PLXNA4: variants seen among roughly 807,000 people sequenced by gnomAD.
PLXNA4 encodes the protein plexin-A4.
PLXNA4 carries 44 observed loss-of-function variants against 191.8 expected under a neutral mutation model. The observed-to-expected ratio is 0.23, with a 90% CI of 0.18 to 0.29. The LOEUF (loss-of-function observed/expected upper bound fraction) is 0.29. PLXNA4 is among the 10% of genes least tolerant of loss of function. PLXNA4 has a pLI of 1.00. For synonymous variants in PLXNA4, 1,082 were observed against 1,009.5 expected (o/e 1.07, Z -1.36); for missense variants, 1,800 against 2,488.8 (o/e 0.72, Z 5.89).
At chr7:132,137,466 C>T (rs1795145699) in intron 30 of PLXNA4, among the ~76,000 whole-genome samples, 1 of 152,238 alleles carries the variant, frequency 6.6e-6, no homozygotes, top group African/African-American at 2.4e-5. Flanking sequence ...ACAAAAACTA[C>T]AACTAATCAC....
intron 4 of PLXNA4, among the ~76,000 whole-genome samples, chr7:132,279,076 A>G (rs1007632801): frequency 1.3e-5 from 2 of 152,144 alleles, no homozygotes; most frequent in African/African-American, 4.8e-5. Flanking sequence ...TGCTCTCTGG[A>G]TGTTCCAGCA....
chr7:132,151,755 C>G (rs1208335054), intron 25 of PLXNA4, among the ~76,000 whole-genome samples: 1 of 152,140 alleles, frequency 6.6e-6, no homozygotes, highest in African/African-American at 2.4e-5. Flanking sequence ...GCAGCTCCAT[C>G]CCTGAGGCTT....
intron 1 of PLXNA4, among the ~76,000 whole-genome samples, chr7:132,520,868 T>C (rs553906997): frequency 6.6e-6 from 1 of 152,082 alleles, no homozygotes; most frequent in South Asian, 2.1e-4. Context: ...ATTGGCACTG[T>C]GGGGGAGCAG....
intron 2 of PLXNA4, among the ~76,000 whole-genome samples, chr7:132,619,384 T>C (rs559184820): frequency 6.6e-6 from 1 of 152,358 alleles, no homozygotes; most frequent in East Asian, 1.9e-4. Flanking sequence ...AACTGCCAGA[T>C]TAAACATAAA....
rs1454246931 is a variant in PLXNA4, at chr7:132,511,261, CTG to C, written c.-86-2484_-86-2483del. 6.6e-3 allele frequency among the ~76,000 whole-genome samples: 1,003 copies of C among 152,334 alleles called. 8 individuals carry two copies. Among genetic ancestry groups the C allele is most frequent in the African/African-American group, 0.023 (953 of 41,570 alleles). On this transcript the variant is annotated intron_variant, in intron 1 of 31. Coordinates refer to ENST00000321063, the MANE Select transcript of PLXNA4 (RefSeq NM_020911.2). The stretch of plus-strand genomic sequence containing the variant: ...AGCTTGGCTCACATAATCCTCACCA[CTG>C]TTCCCTGGGATCAGAATTGTCTTAT...
intron 3 of PLXNA4, among the ~76,000 whole-genome samples, chr7:132,406,439 C>T (rs1249297914): frequency 6.6e-6 from 1 of 152,224 alleles, no homozygotes; most frequent in South Asian, 2.1e-4. Context: ...TTCTAACTCA[C>T]CTGTTGTTCA....
intron 30 of PLXNA4, among the ~76,000 whole-genome samples, chr7:132,136,428 C>A (rs2116521024): frequency 6.6e-6 from 1 of 152,350 alleles, no homozygotes; most frequent in East Asian, 1.9e-4. Flanking sequence ...CCCCTCCGAG[C>A]TGCCCCAGGC....
At chr7:132,189,155 T>A (rs1231793392) in intron 14 of PLXNA4, among the ~76,000 whole-genome samples, 1 of 151,438 alleles carries the variant, frequency 6.6e-6, no homozygotes, top group Non-Finnish European at 1.5e-5. Context: ...GGGTTGGTGC[T>A]CCCTGGCAGC....
At chr7:132,281,311 C>A (rs534589806) in intron 4 of PLXNA4, among the ~76,000 whole-genome samples, 92 of 151,476 alleles carry the variant, frequency 6.1e-4, no homozygotes, top group African/African-American at 2.1e-3. Flanking sequence ...TTTTTTTTTT[C>A]AGTCTCATGC....
At chr7:132,494,716 C>G (rs774494739) in intron 2 of PLXNA4, among the ~76,000 whole-genome samples, 1 of 152,240 alleles carries the variant, frequency 6.6e-6, no homozygotes, top group Non-Finnish European at 1.5e-5. Flanking sequence ...ATACAAATGA[C>G]AGAGCAGTTA....
At chr7:132,276,096 C>T (rs1370410543) in intron 4 of PLXNA4, among the ~76,000 whole-genome samples, 1 of 152,166 alleles carries the variant, frequency 6.6e-6, no homozygotes, top group African/African-American at 2.4e-5. Flanking sequence ...CTGGAAGAAG[C>T]TGTCTTGGTT....
intron 22 of PLXNA4, among the ~76,000 whole-genome samples, chr7:132,166,547 T>G (rs1249160680): frequency 6.6e-6 from 1 of 151,700 alleles, no homozygotes; most frequent in African/African-American, 2.4e-5. Flanking sequence ...CAGAAAATGC[T>G]AATAACTAAA....
At chr7:132,355,116 C>A (rs895882668) in intron 3 of PLXNA4, among the ~76,000 whole-genome samples, 3 of 152,168 alleles carry the variant, frequency 2.0e-5, no homozygotes, top group African/African-American at 4.8e-5. Context: ...GTTCATGAAG[C>A]CTTGCTCCCA....
chr7:132,451,994 C>T (rs1285542502), intron 3 of PLXNA4, among the ~76,000 whole-genome samples: 2 of 152,232 alleles, frequency 1.3e-5, no homozygotes, highest in Non-Finnish European at 2.9e-5. Context: ...TATTACATCA[C>T]ACTCCCTGCC....
intron 3 of PLXNA4, among the ~76,000 whole-genome samples, chr7:132,470,485 C>T (rs779483465): frequency 6.6e-6 from 1 of 152,204 alleles, no homozygotes; most frequent in Non-Finnish European, 1.5e-5. Flanking sequence ...GAGGAATCTC[C>T]ACTTGTATAG....
intron 3 of PLXNA4, among the ~76,000 whole-genome samples, chr7:132,327,666 G>A (rs1474401499): frequency 1.3e-5 from 2 of 152,220 alleles, no homozygotes; most frequent in East Asian, 3.8e-4. Context: ...AACACTGTGT[G>A]AGGAAGGTCA....
In PLXNA4 at chr7:132,551,598, C is replaced by T. The variant is rs148208448; in HGVS notation, c.-87+24824G>A. On this transcript the variant is annotated intron_variant, in intron 1 of 31. Coordinates refer to ENST00000321063, the MANE Select transcript of PLXNA4 (RefSeq NM_020911.2). The stretch of plus-strand genomic sequence containing the variant: ...CACAATCAGAGCTCTCTGCAAAAGA[C>T]GTAATACCACCAGCCCTGTACTGTA... Among the ~76,000 whole-genome samples the T allele has an allele frequency of 1.4e-3, 208 of 152,272 alleles. 1 individual carries two copies. Among genetic ancestry groups the T allele is most frequent in the Non-Finnish European group, 2.3e-3 (158 of 68,028 alleles).
intron 25 of PLXNA4, among the ~76,000 whole-genome samples, chr7:132,154,120 A>T (rs1282562536): frequency 6.6e-6 from 1 of 152,124 alleles, no homozygotes; most frequent in Non-Finnish European, 1.5e-5. Flanking sequence ...ACAGGTTCTC[A>T]CTAGGAGCAC....
At chr7:132,139,797 C>T (rs1386746340) in intron 30 of PLXNA4, among the ~76,000 whole-genome samples, 1 of 152,188 alleles carries the variant, frequency 6.6e-6, no homozygotes, top group Non-Finnish European at 1.5e-5. Context: ...GATTACTTAG[C>T]CATTCTGCAT....
Sources: gnomAD v4.1 joint callset for allele counts (sites outside exome capture counted in the v4.1 genomes callset) on GRCh38, gnomAD v4.1.1 for gene constraint, MANE v1.5 for transcripts, NCBI Gene and HGNC (gene_info 2026-07-23, HGNC 2026-07-21) for gene names.